KIAA1217: variants seen among roughly 807,000 people sequenced by gnomAD.
The protein encoded by KIAA1217 is sickle tail protein homolog.
Under a neutral mutation model 163.9 loss-of-function variants are expected in KIAA1217, and 88 were observed. The observed-to-expected ratio is 0.54, with a 90% CI of 0.45 to 0.64. KIAA1217 has a LOEUF of 0.64. Ranked by LOEUF, KIAA1217 falls within the 30% of genes least tolerant of loss-of-function variation. The probability of loss-of-function intolerance (pLI) is 0.00; values close to 1 mark genes in which losing one functional copy is unlikely to be tolerated. For synonymous variants in KIAA1217, 903 were observed against 923.1 expected, an observed-to-expected ratio of 0.98 and a Z score of 0.39; for missense variants, 2,372 against 2,475.0, an observed-to-expected ratio of 0.96 and a Z score of 0.88.
intron 1 of KIAA1217, among the ~76,000 whole-genome samples, chr10:23,860,972 G>A (rs1380071876): frequency 6.6e-6 from 1 of 151,424 alleles, no homozygotes; most frequent in East Asian, 2.0e-4. Context: ...GGAGTGCAGT[G>A]GGGGGTCATA....
At chr10:24,402,271 C>T (rs1457413167) in intron 3 of KIAA1217, among the ~76,000 whole-genome samples, 3 of 151,998 alleles carry the variant, frequency 2.0e-5, no homozygotes, top group Admixed American at 6.6e-5. Context: ...CTTTGGGAGG[C>T]CAAGGCGGGC....
At chr10:24,015,869 A>T (rs954716767) in intron 2 of KIAA1217, among the ~76,000 whole-genome samples, 3 of 152,072 alleles carry the variant, frequency 2.0e-5, no homozygotes, top group Non-Finnish European at 4.4e-5. Flanking sequence ...GTAACTTCAA[A>T]GTGTACTGGG....
intron 1 of KIAA1217, among the ~76,000 whole-genome samples, chr10:23,985,396 T>C (rs937250565): frequency 6.6e-6 from 1 of 152,208 alleles, no homozygotes; most frequent in Non-Finnish European, 1.5e-5. Context: ...AACTAACTCA[T>C]TCTGCCAACC....
chr10:23,711,743 G>A (rs531668431), intron 1 of KIAA1217, among the ~76,000 whole-genome samples: 1 of 152,284 alleles, frequency 6.6e-6, no homozygotes, highest in Admixed American at 6.6e-5. Flanking sequence ...TTCATGTCAA[G>A]CTTCAACAGA....
chr10:24,192,761 G>A (rs944487314), intron 2 of KIAA1217, among the ~76,000 whole-genome samples: 9 of 152,208 alleles, frequency 5.9e-5, no homozygotes, highest in Non-Finnish European at 1.3e-4. Flanking sequence ...ACCTTGGGAA[G>A]ATTATGTTAT....
intron 2 of KIAA1217, among the ~76,000 whole-genome samples, chr10:24,291,302 G>A (rs1259985145): frequency 6.6e-6 from 1 of 152,154 alleles, no homozygotes; most frequent in Non-Finnish European, 1.5e-5. Context: ...GCTGAGGCGG[G>A]CGGATCACCT....
chr10:23,877,194 T>C lies in KIAA1217; in HGVS notation c.-320-130031T>C, dbSNP rs1053140493. 8.5e-5 allele frequency among the ~76,000 whole-genome samples: 13 copies of C among 152,064 alleles called. 1 individual carries two copies. Among genetic ancestry groups the C allele is most frequent in the Admixed American group, 7.2e-4 (11 of 15,248 alleles). On this transcript the variant is annotated intron_variant, in intron 1 of 18. Coordinates refer to the KIAA1217 transcript ENST00000376462. Reference sequence around the variant, plus strand: ...TTAAGTGATACTGAAGTTTCTAAGATGTTAATGAGATGTACTCACCTATCA... The same window carrying C: ...TTAAGTGATACTGAAGTTTCTAAGACGTTAATGAGATGTACTCACCTATCA...
At chr10:24,094,173 G>A (rs9663443) in intron 2 of KIAA1217, among the ~76,000 whole-genome samples, 3,906 of 152,132 alleles carry the variant, frequency 0.026, 157 homozygotes, top group African/African-American at 0.09. Flanking sequence ...CCTAGTAATG[G>A]GATGGCTGGG....
At chr10:23,759,747 T>G (rs1834152891) in intron 1 of KIAA1217, among the ~76,000 whole-genome samples, 1 of 152,190 alleles carries the variant, frequency 6.6e-6, no homozygotes, top group South Asian at 2.1e-4. Context: ...TTCATAACAC[T>G]TCTGTTTTCT....
At chr10:24,503,103 G>A (rs562170614) in intron 9 of KIAA1217, among the ~76,000 whole-genome samples, 10 of 152,274 alleles carry the variant, frequency 6.6e-5, no homozygotes, top group South Asian at 2.1e-4. Flanking sequence ...TCAGCACAGC[G>A]ACAGCACAAG....
chr10:24,389,950 A>T (rs1220763026), intron 3 of KIAA1217, among the ~76,000 whole-genome samples: 1 of 152,112 alleles, frequency 6.6e-6, no homozygotes, highest in South Asian at 2.1e-4. Context: ...CCAACTCTGC[A>T]TCTGTGCTGG....
intron 3 of KIAA1217, among the ~76,000 whole-genome samples, chr10:24,425,253 G>C (rs2059086208): frequency 1.3e-5 from 2 of 152,186 alleles, no homozygotes; most frequent in South Asian, 4.1e-4. Flanking sequence ...AAGGAAATCT[G>C]AGTGAACTTA....
intron 2 of KIAA1217, among the ~76,000 whole-genome samples, chr10:24,287,859 G>T (rs1320366519): frequency 6.6e-6 from 1 of 152,136 alleles, no homozygotes; most frequent in Non-Finnish European, 1.5e-5. Flanking sequence ...AAACTGTTTA[G>T]AATTCAAATG....
intron 2 of KIAA1217, among the ~76,000 whole-genome samples, chr10:24,317,357 G>A (rs997433074): frequency 2.0e-5 from 3 of 152,042 alleles, no homozygotes; most frequent in Non-Finnish European, 4.4e-5. Flanking sequence ...GGACTCAAGC[G>A]ATTCCCCCAC....
chr10:24,106,940 T>C (rs2062654640), intron 2 of KIAA1217, among the ~76,000 whole-genome samples: 1 of 152,148 alleles, frequency 6.6e-6, no homozygotes, highest in African/African-American at 2.4e-5. Context: ...CATGGCTAAA[T>C]TGCATGTCAT....
At chr10:24,094,930 A>G (rs1183145906) in intron 2 of KIAA1217, among the ~76,000 whole-genome samples, 1 of 152,154 alleles carries the variant, frequency 6.6e-6, no homozygotes, top group East Asian at 1.9e-4. Flanking sequence ...AAGCAAGCCT[A>G]GGCAATGGTG....
intron 2 of KIAA1217, among the ~76,000 whole-genome samples, chr10:24,223,918 T>C (rs1259966574): frequency 6.7e-6 from 1 of 149,854 alleles, no homozygotes; most frequent in Admixed American, 6.7e-5. Context: ...AGGTTCTAAT[T>C]TCCTGCTATT....
intron 1 of KIAA1217, among the ~76,000 whole-genome samples, chr10:23,908,276 T>G (rs1489894760): frequency 6.7e-6 from 1 of 149,128 alleles, no homozygotes; most frequent in Non-Finnish European, 1.5e-5. Flanking sequence ...TCTATGGATG[T>G]ATTGTTTTTT....
chr10:24,208,493 CTG>C (rs756798585), upstream of KIAA1217, among the ~76,000 whole-genome samples: 9 of 151,990 alleles, frequency 5.9e-5, no homozygotes, highest in Non-Finnish European at 1.0e-4. Flanking sequence ...TTGAAATCGA[CTG>C]TGTGCAAATG....
Sources: allele counts gnomAD v4.1 joint callset (sites outside exome capture counted in the v4.1 genomes callset), GRCh38; gene constraint gnomAD v4.1.1; transcripts MANE v1.5; gene names NCBI Gene and HGNC (gene_info 2026-07-23, HGNC 2026-07-21).